THTPA: variants seen among roughly 807,000 people sequenced by gnomAD.
THTPA encodes thiamine-triphosphatase.
THTPA carries 16 observed loss-of-function variants against 16.5 expected under a neutral mutation model. That is an observed-to-expected ratio of 0.97 (90% CI 0.66 to 1.47). THTPA has a LOEUF of 1.47. Ranked by LOEUF, THTPA falls within the 40% of genes most tolerant of loss-of-function variation. The pLI is 0.00. For missense variants in THTPA, 281 were observed against 280.9 expected, an observed-to-expected ratio of 1.00 and a Z score of 0.00; for synonymous variants, 110 against 115.5, an observed-to-expected ratio of 0.95 and a Z score of 0.30.
At chr14:23,530,028 A>T in the THTPA span, 1 of 1,291,470 alleles carries the variant, frequency 7.7e-7, no homozygotes, top group Non-Finnish European at 1.1e-6. Flanking sequence ...TTGCTCCTTG[A>T]GCACAGACAT....
the THTPA span, among the ~76,000 whole-genome samples, chr14:23,549,677 T>TA: frequency 6.6e-6 from 1 of 152,198 alleles, no homozygotes; most frequent in East Asian, 1.9e-4. Context: ...GGGTGGAGCT[T>TA]AGAGTCCTAG....
the THTPA span, chr14:23,528,611 C>A: frequency 1.0e-6 from 1 of 985,438 alleles, no homozygotes; most frequent in Non-Finnish European, 1.2e-6. Context: ...TGAACCATCA[C>A]CTGGAAAGGG....
chr14:23,533,985 G>A, the THTPA span: 1 of 1,537,480 alleles, frequency 6.5e-7, no homozygotes, highest in African/African-American at 1.4e-5. This position sits in a 1 kb window ranked among gnomAD's most constrained non-coding sequence, Gnocchi z 4.8. Context: ...TGCAGGAGTT[G>A]CGTGAGTGGA....
At chr14:23,523,390 A>G in the THTPA span, 1 of 1,502,360 alleles carries the variant, frequency 6.7e-7, no homozygotes, top group South Asian at 1.3e-5. The surrounding 1 kb of genome is among the most constrained non-coding windows in gnomAD (Gnocchi z 4.1). Flanking sequence ...ACTTGCTTTC[A>G]CTCTTCAGCT....
chr14:23,535,142 C>G, the THTPA span: 3 of 1,536,086 alleles, frequency 2.0e-6, no homozygotes, highest in Non-Finnish European at 1.7e-6. The surrounding 1 kb of genome is among the most constrained non-coding windows in gnomAD (Gnocchi z 4.5). Flanking sequence ...CAGCCCGACT[C>G]CAGGAGCTGT....
At chr14:23,556,141 A>G (rs1454560520), upstream of THTPA, 1 of 152,902 alleles carries the variant, frequency 6.5e-6, no homozygotes, top group Admixed American at 6.5e-5. Context: ...CTCCCATTAC[A>G]TAGCGCGTGT....
At chr14:23,549,544 A>T in the THTPA span, among the ~76,000 whole-genome samples, 8 of 150,700 alleles carry the variant, frequency 5.3e-5, no homozygotes, top group Middle Eastern at 3.4e-3. Flanking sequence ...CTGCCTCATT[A>T]AAAAAAAATG....
the THTPA span, among the ~76,000 whole-genome samples, chr14:23,517,483 C>T: frequency 3.3e-5 from 5 of 152,184 alleles, no homozygotes; most frequent in African/African-American, 1.2e-4. Flanking sequence ...AACTCAGTCT[C>T]CTAGAAATGA....
At chr14:23,512,573 G>A in the THTPA span, among the ~76,000 whole-genome samples, 2 of 149,636 alleles carry the variant, frequency 1.3e-5, no homozygotes, top group African/African-American at 2.5e-5. Flanking sequence ...CCTGGCATGG[G>A]ATTCATGGGC....
chr14:23,517,409 C>T, the THTPA span, among the ~76,000 whole-genome samples: 1 of 152,038 alleles, frequency 6.6e-6, no homozygotes, highest in African/African-American at 2.4e-5. Context: ...TCCTGTAGAC[C>T]CTGAGGCTGG....
the THTPA span, chr14:23,532,531 C>T: frequency 7.0e-7 from 1 of 1,429,412 alleles, no homozygotes; most frequent in Non-Finnish European, 9.1e-7. Context: ...CCATTCCCTT[C>T]TCCTCTTCCG....
the THTPA span, among the ~76,000 whole-genome samples, chr14:23,517,219 C>G: frequency 6.6e-6 from 1 of 152,288 alleles, no homozygotes; most frequent in East Asian, 1.9e-4. Context: ...GGTGGTCACG[C>G]AATTGAATCA....
chr14:23,512,135 T>C, the THTPA span, among the ~76,000 whole-genome samples: 9 of 152,238 alleles, frequency 5.9e-5, no homozygotes, highest in Admixed American at 5.9e-4. Flanking sequence ...GCATCCACGA[T>C]TTAATTAATT....
the THTPA span, chr14:23,534,601 C>T: frequency 3.9e-6 from 6 of 1,536,148 alleles, no homozygotes; most frequent in Non-Finnish European, 4.4e-6. This position sits in a 1 kb window ranked among gnomAD's most constrained non-coding sequence, Gnocchi z 4.5. Context: ...ACCCAGGCGG[C>T]ACAGAAGGCA....
chr14:23,515,069 T>G, the THTPA span, among the ~76,000 whole-genome samples: 1 of 152,034 alleles, frequency 6.6e-6, no homozygotes, highest in Non-Finnish European at 1.5e-5. Flanking sequence ...TACATATCCT[T>G]GGACAACAAG....
the THTPA span, among the ~76,000 whole-genome samples, chr14:23,517,575 C>T: frequency 6.6e-6 from 1 of 152,202 alleles, no homozygotes; most frequent in Non-Finnish European, 1.5e-5. Context: ...CAGAAGTTTA[C>T]CCTGTTTTTC....
the THTPA span, chr14:23,531,166 C>G: frequency 4.1e-6 from 1 of 243,722 alleles, no homozygotes; most frequent in South Asian, 1.7e-4. Flanking sequence ...CCAGCTCCAG[C>G]CTGCCACCCT....
the THTPA span, chr14:23,524,695 T>G: frequency 6.5e-7 from 1 of 1,536,304 alleles, no homozygotes; most frequent in South Asian, 1.2e-5. The surrounding 1 kb of genome is among the most constrained non-coding windows in gnomAD (Gnocchi z 5.6). Context: ...CTGCCTTTGT[T>G]GCCTCTGCTT....
Position 23,557,156 on chromosome 14 carries a change from G to C in THTPA, c.399G>C (p.Leu133Phe), listed in dbSNP as rs1882481062. 3 of 1,614,140 alleles carry C rather than the reference G, an allele frequency of 1.9e-6. No homozygotes were observed. Among genetic ancestry groups the C allele is most frequent in the South Asian group, 1.1e-5 (1 of 91,082 alleles). The part of the protein sequence containing the change: ...TKRSAWKLVL[L>F]GADEEEPQLR... ...GGAGTGCCTGGAAGCTGGTGCTCTT[G>C]GGAGCTGATGAAGAGGAGCCACAGC... Residue 133 changes from leucine to phenylalanine, a missense_variant, in exon 1 of 2, where the codon TTG (leucine) becomes TTC (phenylalanine). Leu to Phe is a conservative substitution (Grantham distance 22). Coordinates refer to ENST00000288014, the MANE Select transcript of THTPA (RefSeq NM_024328.6).
Sources: allele counts gnomAD v4.1 joint callset (sites outside exome capture counted in the v4.1 genomes callset), GRCh38; gene constraint gnomAD v4.1.1; non-coding constraint Gnocchi (gnomAD v3.1); transcripts MANE v1.5; gene names NCBI Gene and HGNC (gene_info 2026-07-23, HGNC 2026-07-21).